The following ZBTB20 variants were observed in gnomAD, a reference collection of about 807,000 sequenced individuals.
ZBTB20 encodes zinc finger and BTB domain containing 20, also known as zinc finger and BTB domain-containing protein 20.
In ZBTB20, 9 loss-of-function variants were observed where a neutral mutation model predicts 56.9. That is an observed-to-expected ratio of 0.16 (90% CI 0.10 to 0.28). The LOEUF is 0.28. ZBTB20 is among the 10% of genes least tolerant of loss of function. The pLI is 1.00. For synonymous variants in ZBTB20, 417 were observed against 420.7 expected, an observed-to-expected ratio of 0.99 and a Z score of 0.11; for missense variants, 655 against 1,003.0, an observed-to-expected ratio of 0.65 and a Z score of 4.69.
intron 6 of ZBTB20, among the ~76,000 whole-genome samples, chr3:114,605,579 A>G (rs1405315315): frequency 2.6e-5 from 4 of 152,216 alleles, no homozygotes; most frequent in Non-Finnish European, 5.9e-5. Flanking sequence ...TTTGCCCCCA[A>G]ATATTTCAAT....
chr3:114,501,986 G>A (rs1208716305), intron 6 of ZBTB20, among the ~76,000 whole-genome samples: 1 of 152,048 alleles, frequency 6.6e-6, no homozygotes, highest in African/African-American at 2.4e-5. Context: ...GGAATTACAA[G>A]TGTGAGCCAC....
intron 3 of ZBTB20, among the ~76,000 whole-genome samples, chr3:114,915,085 G>C (rs1443828885): frequency 6.6e-6 from 1 of 151,420 alleles, no homozygotes; most frequent in Admixed American, 6.6e-5. Flanking sequence ...GATGATACTG[G>C]CCTCACAGAA....
rs2065731622 is a variant in ZBTB20 at position 114,731,312 on chromosome 3, A to G, written c.-342-37737T>C. 2.0e-5 allele frequency among the ~76,000 whole-genome samples: 3 copies of G among 152,296 alleles called. 1 individual carries two copies. Among genetic ancestry groups the G allele is most frequent in the South Asian group, 4.1e-4 (2 of 4,822 alleles). ...ATTTCTTGTACTGGGTTGGAAAGTC[A>G]TATCTCTGCTACGTCATTCATGACT... On this transcript the variant is annotated intron_variant, in intron 5 of 11. Transcript: ENST00000675478.
chr3:114,983,510 T>A (rs1270735091), intron 2 of ZBTB20, among the ~76,000 whole-genome samples: 2 of 151,944 alleles, frequency 1.3e-5, no homozygotes, highest in African/African-American at 4.8e-5. Context: ...AAAAAGCTGA[T>A]GAAAGCTAAT....
At chr3:114,950,801 A>C (rs1021783119) in intron 3 of ZBTB20, among the ~76,000 whole-genome samples, 4 of 152,178 alleles carry the variant, frequency 2.6e-5, no homozygotes, top group Non-Finnish European at 4.4e-5. Context: ...TGAAAATAAT[A>C]ATAATAGAAT....
At chr3:114,682,272 C>T (rs1694287321) in intron 6 of ZBTB20, among the ~76,000 whole-genome samples, 1 of 152,110 alleles carries the variant, frequency 6.6e-6, no homozygotes, top group Non-Finnish European at 1.5e-5. Context: ...GGTATATCCC[C>T]AAAGTTTGAA....
At chr3:115,138,356 C>A (rs2084710399) in intron 1 of ZBTB20, among the ~76,000 whole-genome samples, 1 of 152,168 alleles carries the variant, frequency 6.6e-6, no homozygotes, top group South Asian at 2.1e-4. Context: ...AATTCTCTAT[C>A]ATCATTTTTA....
intron 10 of ZBTB20, among the ~76,000 whole-genome samples, chr3:114,370,723 C>T (rs2722008): frequency 0.4 from 60,951 of 152,016 alleles, 12,446 homozygotes; most frequent in South Asian, 0.43. Context: ...CCTAATCTCA[C>T]GCATTCCTGC....
chr3:115,137,946 A>T (rs557022984), intron 1 of ZBTB20, among the ~76,000 whole-genome samples: 6 of 152,196 alleles, frequency 3.9e-5, no homozygotes, highest in Non-Finnish European at 7.4e-5. Context: ...ACTGATGATC[A>T]TGTTTTTGTG....
At chr3:114,706,208 A>G (rs2063707876) in intron 5 of ZBTB20, among the ~76,000 whole-genome samples, 1 of 152,188 alleles carries the variant, frequency 6.6e-6, no homozygotes, top group Non-Finnish European at 1.5e-5. Flanking sequence ...CCTGTGGAAT[A>G]AAGAATAAAA....
At chr3:114,709,154 T>C (rs181022722) in intron 5 of ZBTB20, among the ~76,000 whole-genome samples, 7 of 152,240 alleles carry the variant, frequency 4.6e-5, no homozygotes, top group Admixed American at 2.0e-4. Context: ...TTAGAAAAAA[T>C]ACCAATTTCT....
intron 4 of ZBTB20, among the ~76,000 whole-genome samples, chr3:114,872,479 G>C (rs2107545240): frequency 6.6e-6 from 1 of 152,176 alleles, no homozygotes; most frequent in African/African-American, 2.4e-5. Flanking sequence ...ATAAGAAAGA[G>C]AACAGGAAGA....
At chr3:114,994,357 C>G (rs1486546569) in intron 2 of ZBTB20, among the ~76,000 whole-genome samples, 1 of 151,792 alleles carries the variant, frequency 6.6e-6, no homozygotes, top group African/African-American at 2.4e-5. Flanking sequence ...TCCTGCCAAG[C>G]CTTTAAGGAA....
intron 10 of ZBTB20, among the ~76,000 whole-genome samples, chr3:114,377,042 G>A (rs1576461276): frequency 6.6e-6 from 1 of 152,190 alleles, no homozygotes; most frequent in Non-Finnish European, 1.5e-5. Context: ...GGAGAGCTTC[G>A]TCTGCTTTAC....
In ZBTB20 at chr3:114,664,529, A is replaced by G. The variant is rs900179484; in HGVS notation, c.-295+28999T>C. Among the ~76,000 whole-genome samples, 5 of 152,128 alleles carry G rather than the reference A, an allele frequency of 3.3e-5. No homozygotes were observed. In the East Asian group the frequency reaches 5.8e-4, roughly 18 times the overall value. On this transcript the variant is annotated intron_variant, in intron 6 of 11. Transcript: ENST00000675478. ...AGAAATAAAAGTATTTTTGTGTACA[A>G]TTCTTCTTGAAGCACTACTTGAATT...
chr3:114,895,130 T>G (rs746929708), intron 4 of ZBTB20, among the ~76,000 whole-genome samples: 11 of 152,234 alleles, frequency 7.2e-5, no homozygotes, highest in Non-Finnish European at 1.5e-4. Flanking sequence ...ACATATAAAT[T>G]CATAAATCCA....
intron 3 of ZBTB20, among the ~76,000 whole-genome samples, chr3:114,901,336 G>A (rs753814493): frequency 6.6e-6 from 1 of 152,056 alleles, no homozygotes; most frequent in Non-Finnish European, 1.5e-5. Context: ...GAGCACAGTC[G>A]ATTACAGCAA....
intron 6 of ZBTB20, among the ~76,000 whole-genome samples, chr3:114,587,593 C>A (rs1336934302): frequency 6.6e-6 from 1 of 152,198 alleles, no homozygotes; most frequent in Non-Finnish European, 1.5e-5. Flanking sequence ...ATGGCATATG[C>A]ATGCTCAATA....
chr3:114,387,812 T>C (rs978188053), intron 8 of ZBTB20: 1 of 152,216 alleles, frequency 6.6e-6, no homozygotes. Flanking sequence ...GAAGAAACTA[T>C]GTTTGATCTT....
Sources: gnomAD v4.1 joint callset for allele counts (sites outside exome capture counted in the v4.1 genomes callset) on GRCh38, gnomAD v4.1.1 for gene constraint, MANE v1.5 for transcripts, NCBI Gene and HGNC (gene_info 2026-07-23, HGNC 2026-07-21) for gene names.